ETS1: variants seen among roughly 807,000 people sequenced by gnomAD.
ETS1 encodes ETS proto-oncogene 1, transcription factor.
Under a neutral mutation model 58.6 loss-of-function variants are expected in ETS1, and 15 were observed. That is an observed-to-expected ratio of 0.26 (90% CI 0.17 to 0.39). The LOEUF (loss-of-function observed/expected upper bound fraction) is 0.39, where lower values mean the gene tolerates loss of function less well. Among genes scored for constraint, ETS1 ranks in the 10% least tolerant of loss-of-function variants. The pLI is 1.00. For missense variants in ETS1, 417 were observed against 610.5 expected, an observed-to-expected ratio of 0.68 and a Z score of 3.34; for synonymous variants, 214 against 218.2, an observed-to-expected ratio of 0.98 and a Z score of 0.17.
rs1861918190 is a variant in ETS1, at chr11:128,462,046, G to C, written c.*315C>G. On this transcript the variant is annotated 3_prime_UTR_variant, in exon 10 of 10. Coordinates refer to ENST00000392668, the MANE Select transcript of ETS1 (RefSeq NM_001143820.2). Reference sequence around the variant, plus strand: ...CAACTCAAGACACTTTTTCATGGATGATTTTTAAAAATGATTGGACACATT... The same window carrying C: ...CAACTCAAGACACTTTTTCATGGATCATTTTTAAAAATGATTGGACACATT... The C allele has an allele frequency of 3.7e-6, 1 of 272,258 alleles. No individual in the cohort carries two copies. The highest frequency in any genetic ancestry group is 7.0e-6 in the Non-Finnish European group (1 of 142,268). The allele number at this position is 272,258 out of a possible 1,614,324, so 16.9% of individuals were successfully genotyped here.
intron 3 of ETS1, among the ~76,000 whole-genome samples, chr11:128,532,717 C>G (rs991570392): frequency 4.6e-5 from 7 of 151,980 alleles, no homozygotes; most frequent in African/African-American, 1.7e-4. Flanking sequence ...ATACACAATA[C>G]TGTTCTTGTT....
chr11:128,581,554 C>A (rs1482525077), intron 1 of ETS1, among the ~76,000 whole-genome samples: 7 of 152,012 alleles, frequency 4.6e-5, no homozygotes, highest in Non-Finnish European at 1.0e-4. Flanking sequence ...TTACTTCGAA[C>A]CTCAAAACAA....
At chr11:128,573,350 A>G (rs1029748678) in intron 1 of ETS1, among the ~76,000 whole-genome samples, 1 of 152,240 alleles carries the variant, frequency 6.6e-6, no homozygotes, top group African/African-American at 2.4e-5. Context: ...AGACAGAACC[A>G]GTTCCCTGGT....
chr11:128,564,522 C>T (rs1432180962), intron 2 of ETS1, among the ~76,000 whole-genome samples: 2 of 152,118 alleles, frequency 1.3e-5, no homozygotes, highest in Non-Finnish European at 2.9e-5. Context: ...GCAGCCAACA[C>T]CAACACTACA....
Position 128,462,593 on chromosome 11 carries a change from A to G in ETS1, c.1243-17T>C, listed in dbSNP as rs1565362547. 6.2e-7 allele frequency: 1 copy of G among 1,609,294 alleles called. No individual in the cohort carries two copies. On this transcript the variant is annotated splice_polypyrimidine_tract_variant and intron_variant, in intron 9 of 9. Transcript: ENST00000392668. Reference sequence around the variant, plus strand: ...CCTGGCCACCTGAAATTTAAAAAGAAAAATAAAGGAGGAGTAGGCAAAAAT... The same window carrying G: ...CCTGGCCACCTGAAATTTAAAAAGAGAAATAAAGGAGGAGTAGGCAAAAAT...
intron 2 of ETS1, among the ~76,000 whole-genome samples, chr11:128,562,801 A>G (rs1864425000): frequency 6.6e-6 from 1 of 152,106 alleles, no homozygotes; most frequent in Non-Finnish European, 1.5e-5. Context: ...CCAGTGCTTC[A>G]AAGTCAGGAA....
At chr11:128,526,965 A>G in intron 3 of ETS1, 1 of 456,304 alleles carries the variant, frequency 2.2e-6, no homozygotes, top group South Asian at 1.5e-5. Flanking sequence ...TGTCAGTACT[A>G]GAACCAGATG....
intron 3 of ETS1, among the ~76,000 whole-genome samples, chr11:128,500,983 C>T (rs143927896): frequency 2.6e-4 from 39 of 152,326 alleles, no homozygotes; most frequent in East Asian, 1.9e-3. Context: ...TTAGACACAA[C>T]GAGTTTAAAT....
rs1251674011 is a variant in ETS1 at position 128,490,454 on chromosome 11, T to C, written c.334+3A>G. 1.9e-6 allele frequency: 3 copies of C among 1,613,924 alleles called. No individual in the cohort carries two copies. The highest frequency in any genetic ancestry group is 2.2e-5 in the South Asian group (2 of 91,076). ...CACTCTTTTTCCAACTACAAAACCA[T>C]ACCTTTTGGGATCCCCAGTCGTTGC... On this transcript the variant is annotated splice_donor_region_variant and intron_variant, in intron 4 of 9. Coordinates refer to ENST00000392668, the MANE Select transcript of ETS1 (RefSeq NM_001143820.2).
At chr11:128,499,953 T>C (rs920603182) in intron 3 of ETS1, among the ~76,000 whole-genome samples, 8 of 152,226 alleles carry the variant, frequency 5.3e-5, no homozygotes, top group Non-Finnish European at 1.2e-4. Flanking sequence ...GGTAAAGTTT[T>C]TCTGCACTTT....
At chr11:128,552,087 G>A (rs1423226240) in intron 3 of ETS1, among the ~76,000 whole-genome samples, 1 of 152,056 alleles carries the variant, frequency 6.6e-6, no homozygotes, top group Non-Finnish European at 1.5e-5. Flanking sequence ...TTTCTAACAA[G>A]TTCTCAGATG....
In ETS1 at chr11:128,556,550, T is replaced by C; in HGVS notation, c.70-115A>G. 2.9e-6 allele frequency: 2 copies of C among 680,028 alleles called. 1 individual carries two copies. The highest frequency in any genetic ancestry group is 4.6e-5 in the South Asian group (2 of 43,796). 42.1% of individuals were successfully genotyped at this position (680,028 alleles called of 1,614,324 possible). A position where few individuals can be genotyped will look rare whatever the true frequency, so the allele number is the denominator to read the frequency against. Reference sequence around the variant, plus strand: ...CATGTAAGTAAGAATCATCTATAGATGATGACAGAACAGAGCCAACTCTTG... The same window carrying C: ...CATGTAAGTAAGAATCATCTATAGACGATGACAGAACAGAGCCAACTCTTG... On this transcript the variant is annotated intron_variant, in intron 2 of 9. Coordinates refer to ENST00000392668, the MANE Select transcript of ETS1 (RefSeq NM_001143820.2).
intron 3 of ETS1, among the ~76,000 whole-genome samples, chr11:128,499,458 T>C (rs558088731): frequency 2.2e-4 from 34 of 152,344 alleles, no homozygotes; most frequent in Admixed American, 1.7e-3. Flanking sequence ...GTGAGGAAAC[T>C]GAGGCTCACA....
chr11:128,492,687 T>G (rs1238727478), intron 3 of ETS1, among the ~76,000 whole-genome samples: 1 of 152,184 alleles, frequency 6.6e-6, no homozygotes, highest in Non-Finnish European at 1.5e-5. Flanking sequence ...AATCATCAAA[T>G]GAGTCACTAA....
At chr11:128,536,117 T>C (rs1863969232) in intron 3 of ETS1, among the ~76,000 whole-genome samples, 1 of 152,184 alleles carries the variant, frequency 6.6e-6, no homozygotes, top group African/African-American at 2.4e-5. Flanking sequence ...AGAAGAGTAA[T>C]CTAAGACCTC....
intron 3 of ETS1, among the ~76,000 whole-genome samples, chr11:128,495,962 C>A (rs1862927693): frequency 6.6e-6 from 1 of 152,034 alleles, no homozygotes; most frequent in Non-Finnish European, 1.5e-5. Context: ...ATCAATACTA[C>A]CCGTTTTTAT....
chr11:128,504,086 CAA>C (rs1211239508), intron 3 of ETS1, among the ~76,000 whole-genome samples: 11 of 152,128 alleles, frequency 7.2e-5, no homozygotes, highest in Admixed American at 3.3e-4. Flanking sequence ...GGACCCAGCT[CAA>C]GTTTCCTGCA....
chr11:128,577,388 G>A (rs1864772839), intron 1 of ETS1, among the ~76,000 whole-genome samples: 4 of 152,226 alleles, frequency 2.6e-5, no homozygotes, highest in Admixed American at 6.5e-5. Flanking sequence ...GAATAGCAGC[G>A]CCTTTCTCCG....
At chr11:128,462,703 G>C (rs1444022466) in intron 9 of ETS1, 127 bp from the exon 10 acceptor site, 2 of 696,362 alleles carry the variant, frequency 2.9e-6, no homozygotes, top group South Asian at 3.8e-5. Context: ...AAGATGATTT[G>C]AGATTCATGT....
Sources: gnomAD v4.1 joint callset for allele counts (sites outside exome capture counted in the v4.1 genomes callset) on GRCh38, gnomAD v4.1.1 for gene constraint, MANE v1.5 for transcripts, NCBI Gene and HGNC (gene_info 2026-07-23, HGNC 2026-07-21) for gene names.